The following PCDH9 variants were observed in gnomAD, a reference collection of about 807,000 sequenced individuals.
PCDH9 encodes the protein protocadherin-9.
A neutral mutation model predicts 70.6 loss-of-function variants in PCDH9; 24 were observed. The observed-to-expected ratio is 0.34, with a 90% CI of 0.25 to 0.48. The LOEUF (loss-of-function observed/expected upper bound fraction) is 0.48, where lower values mean the gene tolerates loss of function less well. Ranked by LOEUF, PCDH9 falls within the 20% of genes least tolerant of loss-of-function variation. The pLI, the probability that PCDH9 is intolerant of heterozygous loss-of-function variation, is 0.99. For missense variants in PCDH9, 1,281 were observed against 1,503.6 expected, an observed-to-expected ratio of 0.85 and a Z score of 2.45; for synonymous variants, 562 against 558.5, an observed-to-expected ratio of 1.01 and a Z score of -0.09.
At chr13:66,872,163 T>C (rs2081704391) in intron 3 of PCDH9, among the ~76,000 whole-genome samples, 1 of 152,154 alleles carries the variant, frequency 6.6e-6, no homozygotes, top group Non-Finnish European at 1.5e-5. Flanking sequence ...GTGTCAAAAT[T>C]AATGATGTTG....
chr13:66,561,341 C>T (rs1279780791), intron 4 of PCDH9, among the ~76,000 whole-genome samples: 5 of 152,180 alleles, frequency 3.3e-5, no homozygotes, highest in Non-Finnish European at 5.9e-5. Context: ...CCGAGCCTCC[C>T]GGAGGAGTGC....
At chr13:66,954,281 T>A (rs1269075439) in intron 2 of PCDH9, among the ~76,000 whole-genome samples, 1 of 152,228 alleles carries the variant, frequency 6.6e-6, no homozygotes, top group Non-Finnish European at 1.5e-5. Flanking sequence ...TATATGTACA[T>A]ATTGTACTTA....
At chr13:66,647,874 T>C (rs2077793645) in intron 3 of PCDH9, among the ~76,000 whole-genome samples, 1 of 152,138 alleles carries the variant, frequency 6.6e-6, no homozygotes, top group Non-Finnish European at 1.5e-5. Context: ...AGAAGCTGAC[T>C]GAAGAGCCCT....
intron 3 of PCDH9, among the ~76,000 whole-genome samples, chr13:66,736,999 A>T (rs2079159831): frequency 6.6e-6 from 1 of 152,182 alleles, no homozygotes; most frequent in African/African-American, 2.4e-5. Flanking sequence ...GGGGAAAAAA[A>T]CAGTGTAGCC....
At chr13:66,607,810 A>C (rs2077240250) in intron 4 of PCDH9, among the ~76,000 whole-genome samples, 1 of 152,112 alleles carries the variant, frequency 6.6e-6, no homozygotes, top group South Asian at 2.1e-4. Flanking sequence ...TAACTGAGGA[A>C]GGAAAGAAAT....
At chr13:66,898,891 G>T (rs1264613088) in intron 3 of PCDH9, among the ~76,000 whole-genome samples, 1 of 151,888 alleles carries the variant, frequency 6.6e-6, no homozygotes, top group Non-Finnish European at 1.5e-5. Context: ...TGTGTCCTTG[G>T]TTGGTGATGT....
In PCDH9 at chr13:66,718,832, G is replaced by T. The variant is rs900827548; in HGVS notation, c.3139-87421C>A. Among the ~76,000 whole-genome samples the T allele has an allele frequency of 2.0e-5, 3 of 152,280 alleles. No individual in the cohort carries two copies. In the East Asian group the frequency reaches 5.8e-4, roughly 29 times the overall value. ...GCAAGAAAAGTTTTGATATTTTCTT[G>T]AGCAAATTAATTTTCTCTTTGCAAA... is the stretch of plus-strand genomic sequence containing the variant. On this transcript the variant is annotated intron_variant, in intron 3 of 4. Coordinates refer to ENST00000377865, the MANE Select transcript of PCDH9 (RefSeq NM_203487.3).
At chr13:66,338,650 G>T (rs781283489) in intron 4 of PCDH9, among the ~76,000 whole-genome samples, 2 of 151,142 alleles carry the variant, frequency 1.3e-5, no homozygotes, top group African/African-American at 4.9e-5. Flanking sequence ...GTAGAGGGGT[G>T]GGGGGTGGTT....
chr13:67,066,934 A>G (rs905935794), intron 2 of PCDH9, among the ~76,000 whole-genome samples: 3 of 152,186 alleles, frequency 2.0e-5, no homozygotes, highest in African/African-American at 7.2e-5. Context: ...TTCAGAACAG[A>G]CACAACACAT....
chr13:66,514,876 T>C (rs1041832437), intron 4 of PCDH9, among the ~76,000 whole-genome samples: 1 of 152,114 alleles, frequency 6.6e-6, no homozygotes, highest in African/African-American at 2.4e-5. Context: ...CCGAATTGAA[T>C]TGAAGATAAA....
At chr13:66,900,121 G>GT (rs1175147679) in intron 3 of PCDH9, among the ~76,000 whole-genome samples, 3 of 151,948 alleles carry the variant, frequency 2.0e-5, no homozygotes, top group Non-Finnish European at 4.4e-5. Context: ...AGCCTGTGAG[G>GT]TTTTTTGTTT....
chr13:66,615,059 A>G (rs894766068), intron 4 of PCDH9, among the ~76,000 whole-genome samples: 1 of 152,230 alleles, frequency 6.6e-6, no homozygotes, highest in Non-Finnish European at 1.5e-5. Flanking sequence ...GCTTGCTTGG[A>G]CCAGTATAAG....
At chr13:67,049,247 G>T (rs2085279096) in intron 2 of PCDH9, among the ~76,000 whole-genome samples, 1 of 152,090 alleles carries the variant, frequency 6.6e-6, no homozygotes, top group Non-Finnish European at 1.5e-5. Context: ...CCAGTACATT[G>T]CTTTAAAAAT....
At chr13:66,804,390 C>T (rs2080378673) in intron 3 of PCDH9, among the ~76,000 whole-genome samples, 1 of 152,098 alleles carries the variant, frequency 6.6e-6, no homozygotes, top group African/African-American at 2.4e-5. Flanking sequence ...TAATACCTTT[C>T]AAGACACTTT....
intron 4 of PCDH9, among the ~76,000 whole-genome samples, chr13:66,613,320 T>C (rs2077316308): frequency 1.3e-5 from 2 of 152,220 alleles, no homozygotes; most frequent in Admixed American, 6.5e-5. Flanking sequence ...AGGAACCACT[T>C]GCATGAGAAT....
In PCDH9 at chr13:66,304,692, C is replaced by G; in HGVS notation, c.3677G>C (p.Gly1226Ala). ...LANLKSYKQA[G>A]GATESPKEHQ... ...CTCCTTAGGACTCTCAGTAGCACCTCCTGCTTGCTTATAAGACTTCAGATT... is the reference window on the plus strand; with the variant it reads ...CTCCTTAGGACTCTCAGTAGCACCTGCTGCTTGCTTATAAGACTTCAGATT... Residue 1226 changes from glycine to alanine, a missense_variant, in exon 5 of 5, where the codon GGA becomes GCA. Gly to Ala is a moderately conservative substitution (Grantham distance 60). This residue lies in a region of PCDH9 where 264 missense variants were observed against 278.8 expected (regional missense o/e 0.95). Transcript: ENST00000377865. 6.2e-7 allele frequency: 1 copy of G among 1,613,276 alleles called. No homozygotes were observed. The highest frequency in any genetic ancestry group is 8.5e-7 in the Non-Finnish European group (1 of 1,179,532).
Position 66,814,152 on chromosome 13 carries a change from G to A in PCDH9, c.3138+89352C>T, listed in dbSNP as rs948756574. 1.5e-4 allele frequency among the ~76,000 whole-genome samples: 23 copies of A among 152,164 alleles called. 1 individual carries two copies. The South Asian group carries it at 3.9e-3, about 26-fold the overall frequency. ...GTAATATTTTATGGAGGTACTTAAC[G>A]CTCTTTTTAGTTAATAAAAATTTTT... On this transcript the variant is annotated intron_variant, in intron 3 of 4. Transcript: ENST00000377865.
At chr13:67,087,880 C>T (rs2086140370) in intron 2 of PCDH9, among the ~76,000 whole-genome samples, 1 of 152,082 alleles carries the variant, frequency 6.6e-6, no homozygotes, top group African/African-American at 2.4e-5. Flanking sequence ...GAGAGAATGA[C>T]TGCTTTTAAA....
chr13:66,370,460 G>A (rs924840451), intron 4 of PCDH9, among the ~76,000 whole-genome samples: 6 of 149,380 alleles, frequency 4.0e-5, no homozygotes, highest in African/African-American at 7.4e-5. Context: ...TGCCATAATC[G>A]TTTTGTTTCT....
Sources: gnomAD v4.1 joint callset for allele counts (sites outside exome capture counted in the v4.1 genomes callset) on GRCh38, gnomAD v4.1.1 for gene constraint, gnomAD v4.1.1 regional missense constraint, MANE v1.5 for transcripts, NCBI Gene and HGNC (gene_info 2026-07-23, HGNC 2026-07-21) for gene names.